LOXHD1: variants seen among roughly 807,000 people sequenced by gnomAD.
The protein encoded by LOXHD1 is lipoxygenase homology PLAT domains 1.
LOXHD1 carries 205 observed loss-of-function variants against 248.2 expected under a neutral mutation model. The ratio of observed to expected loss-of-function variants is 0.83; its 90% CI spans 0.74 to 0.93. LOXHD1 has a LOEUF of 0.93. Among genes scored for constraint, LOXHD1 ranks in the 40% least tolerant of loss-of-function variants. The pLI, the probability that LOXHD1 is intolerant of heterozygous loss-of-function variation, is 0.00. For missense variants in LOXHD1, 2,930 were observed against 2,971.6 expected, an observed-to-expected ratio of 0.99 and a Z score of 0.33; for synonymous variants, 1,113 against 1,162.8, an observed-to-expected ratio of 0.96 and a Z score of 0.87.
At chr18:46,485,787 C>A (rs1374672095) in intron 38 of LOXHD1, among the ~76,000 whole-genome samples, 4 of 152,112 alleles carry the variant, frequency 2.6e-5, no homozygotes, top group Non-Finnish European at 5.9e-5. Context: ...CAAAAAAGAG[C>A]CAAAGTACCG....
At chr18:46,634,186 A>G (rs192654698) in intron 4 of LOXHD1, among the ~76,000 whole-genome samples, 6 of 152,352 alleles carry the variant, frequency 3.9e-5, no homozygotes, top group African/African-American at 1.4e-4. Context: ...TCCAATGTCT[A>G]TCAACAGAAT....
At chr18:46,652,717 C>T (rs143968570) in intron 1 of LOXHD1, among the ~76,000 whole-genome samples, 342 of 152,260 alleles carry the variant, frequency 2.2e-3, no homozygotes, top group Admixed American at 4.6e-3. Flanking sequence ...AATATGTGTA[C>T]CAGATTTGTA....
chr18:46,543,071 A>ACTCACC (rs1392420729), intron 23 of LOXHD1, among the ~76,000 whole-genome samples: 1 of 152,202 alleles, frequency 6.6e-6, no homozygotes, highest in Non-Finnish European at 1.5e-5. Context: ...GTTTTTGGTT[A>ACTCACC]CATGGGTGAG....
At chr18:46,520,277 G>A (rs780129290) in intron 33 of LOXHD1, 2 of 470,858 alleles carry the variant, frequency 4.2e-6, no homozygotes, top group Admixed American at 2.3e-5. Context: ...GCACACTCAG[G>A]TCCAGGTGAT....
intron 4 of LOXHD1, among the ~76,000 whole-genome samples, chr18:46,626,167 A>C (rs896622147): frequency 6.6e-6 from 1 of 152,236 alleles, no homozygotes; most frequent in Admixed American, 6.5e-5. Flanking sequence ...ACTGACAAAA[A>C]ATAGGGAACA....
chr18:46,593,070 A>G (rs2038201587), intron 10 of LOXHD1, among the ~76,000 whole-genome samples: 1 of 152,196 alleles, frequency 6.6e-6, no homozygotes, highest in South Asian at 2.1e-4. Flanking sequence ...AGAGGTACCA[A>G]TGGGGTGCTG....
chr18:46,485,077 T>C lies in LOXHD1; in HGVS notation c.6124A>G (p.Lys2042Glu). 6.4e-7 allele frequency: 1 copy of C among 1,550,548 alleles called. No homozygotes were observed. The highest frequency in any genetic ancestry group is 8.7e-7 in the Non-Finnish European group (1 of 1,146,710). ...ENVWLILEGRKNRSKEFLMEN... is the reference protein window; with the variant it reads ...ENVWLILEGRENRSKEFLMEN... ...ATGAGAAACTCTTTGGATCGGTTCT[T>C]CCTGCCCTCCAGGATGAGCCAGACG... Residue 2042 changes from lysine (K) to glutamate (E), a missense_variant, in exon 39 of 41, where the codon AAG becomes GAG. Lys to Glu is a moderately conservative substitution (Grantham distance 56). Transcript: ENST00000642948.
rs112314273 is a variant in LOXHD1, at chr18:46,485,394, A to C, written c.6050-243T>G. On this transcript the variant is annotated intron_variant, in intron 38 of 40. Coordinates refer to ENST00000642948, the MANE Select transcript of LOXHD1 (RefSeq NM_001384474.1). The stretch of plus-strand genomic sequence containing the variant: ...CAACCTCTTTGTAGGCAAATATGGG[A>C]GCCACTGGGAATGCAGCAGGAGGTG... Among the ~76,000 whole-genome samples the C allele has an allele frequency of 6.5e-3, 984 of 152,046 alleles. 14 individuals are homozygous for C. Among genetic ancestry groups the C allele is most frequent in the African/African-American group, 0.022 (932 of 41,430 alleles).
intron 4 of LOXHD1, among the ~76,000 whole-genome samples, chr18:46,620,730 T>A (rs2038657108): frequency 6.6e-6 from 1 of 152,072 alleles, no homozygotes; most frequent in African/African-American, 2.4e-5. Context: ...GGTGAGAGGA[T>A]GTGGAAACGC....
In LOXHD1 at chr18:46,582,407, T is replaced by A. The variant is rs2037980505; in HGVS notation, c.1655-2623A>T. ...ATTTTCTGGGCAACCACTAAGAAAA[T>A]CACCCCAAAAATATGATTAAAAAAA... On this transcript the variant is annotated intron_variant, in intron 12 of 40. Coordinates refer to ENST00000642948, the MANE Select transcript of LOXHD1 (RefSeq NM_001384474.1). 5.3e-5 allele frequency among the ~76,000 whole-genome samples: 8 copies of A among 150,252 alleles called. No homozygotes were observed. The South Asian group carries it at 1.7e-3, about 32-fold the overall frequency.
intron 37 of LOXHD1, among the ~76,000 whole-genome samples, chr18:46,500,630 G>A (rs776498687): frequency 1.3e-5 from 2 of 152,100 alleles, no homozygotes; most frequent in Non-Finnish European, 2.9e-5. Flanking sequence ...ACGCTTTGAT[G>A]GCTTCTCAGT....
intron 21 of LOXHD1, among the ~76,000 whole-genome samples, chr18:46,556,080 C>T (rs1373914898): frequency 6.6e-6 from 1 of 150,390 alleles, no homozygotes; most frequent in Non-Finnish European, 1.5e-5. Context: ...TTTCAAATTT[C>T]AGTGTCCAAC....
intron 4 of LOXHD1, among the ~76,000 whole-genome samples, chr18:46,621,510 A>G (rs1389130979): frequency 6.6e-6 from 1 of 152,206 alleles, no homozygotes; most frequent in Non-Finnish European, 1.5e-5. Flanking sequence ...CACTGTTGGC[A>G]AACGTCAGCT....
chr18:46,512,994 A>G (rs772935119), intron 34 of LOXHD1, among the ~76,000 whole-genome samples: 1 of 152,224 alleles, frequency 6.6e-6, no homozygotes, highest in Non-Finnish European at 1.5e-5. Flanking sequence ...AGGTGATATA[A>G]AAGCCTATCA....
At chr18:46,488,649 A>T (rs2033240259) in intron 38 of LOXHD1, among the ~76,000 whole-genome samples, 1 of 152,214 alleles carries the variant, frequency 6.6e-6, no homozygotes, top group Non-Finnish European at 1.5e-5. Flanking sequence ...CACAGGCATC[A>T]GTTGGATGAT....
intron 37 of LOXHD1, among the ~76,000 whole-genome samples, chr18:46,490,710 G>A (rs2033408486): frequency 6.6e-6 from 1 of 152,162 alleles, no homozygotes; most frequent in Non-Finnish European, 1.5e-5. Flanking sequence ...CCCGAACTCA[G>A]GTGATCCACC....
At chr18:46,542,036 G>T in intron 24 of LOXHD1, 96 bp from the exon 25 acceptor site, 2 of 1,203,270 alleles carry the variant, frequency 1.7e-6, no homozygotes, top group Non-Finnish European at 2.3e-6. Context: ...TCCTTAGGTG[G>T]CTGGCTGATA....
intron 26 of LOXHD1, 38 bp downstream of exon 26, chr18:46,538,118 C>T: frequency 6.6e-7 from 1 of 1,507,150 alleles, no homozygotes; most frequent in South Asian, 1.3e-5. Context: ...CTCTGTCTGA[C>T]CTACTCCATC....
intron 4 of LOXHD1, among the ~76,000 whole-genome samples, chr18:46,634,571 T>C (rs1254002204): frequency 6.6e-6 from 1 of 152,220 alleles, no homozygotes; most frequent in Non-Finnish European, 1.5e-5. Flanking sequence ...AAGGTACATA[T>C]GAAACAAATG....
Sources: gnomAD v4.1 joint callset for allele counts (sites outside exome capture counted in the v4.1 genomes callset) on GRCh38, gnomAD v4.1.1 for gene constraint, MANE v1.5 for transcripts, NCBI Gene and HGNC (gene_info 2026-07-23, HGNC 2026-07-21) for gene names.